Variants in RAB28 observed in about 807,000 individuals in gnomAD.
The protein encoded by RAB28 is RAB28, member RAS oncogene family.
RAB28 carries 24 observed loss-of-function variants against 31.7 expected under a neutral mutation model. The observed-to-expected ratio is 0.76, with a 90% CI of 0.55 to 1.06. RAB28 has a LOEUF of 1.06. Among genes scored for constraint, RAB28 ranks in the 50% least tolerant of loss-of-function variants. RAB28 has a pLI of 0.00. For missense variants in RAB28, 254 were observed against 258.5 expected, an observed-to-expected ratio of 0.98 and a Z score of 0.12; for synonymous variants, 100 against 90.4, an observed-to-expected ratio of 1.11 and a Z score of -0.60.
intron 2 of RAB28, 35 bp downstream of exon 2, chr4:13,479,395 A>T: frequency 6.9e-7 from 1 of 1,457,650 alleles, no homozygotes; most frequent in African/African-American, 1.4e-5. Context: ...AGATTTTTTT[A>T]TAATCTTCTA....
intron 4 of RAB28, among the ~76,000 whole-genome samples, chr4:13,423,984 T>C (rs1413072823): frequency 6.6e-6 from 1 of 151,836 alleles, no homozygotes; most frequent in African/African-American, 2.4e-5. Context: ...CCAAGACTAG[T>C]AAAAAGCTGA....
chr4:13,371,676 A>G (rs992501124), intron 6 of RAB28: 7 of 1,491,606 alleles, frequency 4.7e-6, no homozygotes, highest in Non-Finnish European at 5.3e-6. Flanking sequence ...ACTTTCTATG[A>G]TTAGAAAAAC....
In RAB28 at chr4:13,372,470, A is replaced by G. The variant is rs576216704; in HGVS notation, c.574-3820T>C. Among the ~76,000 whole-genome samples, 3 of 152,248 alleles carry G rather than the reference A, an allele frequency of 2.0e-5. No individual in the cohort carries two copies. The South Asian group carries it at 6.2e-4, about 32-fold the overall frequency. On this transcript the variant is annotated intron_variant, in intron 6 of 6. Coordinates refer to ENST00000330852, the MANE Select transcript of RAB28 (RefSeq NM_001017979.3). ...ATCTATAAAAACAAGGTCTACCTAC[A>G]TGATCTCTAAAGTCCCATCTGGTTT...
intron 4 of RAB28, among the ~76,000 whole-genome samples, chr4:13,422,641 A>C (rs28634946): frequency 2.0e-5 from 3 of 152,238 alleles, no homozygotes; most frequent in Non-Finnish European, 4.4e-5. Flanking sequence ...TCAGCAAACT[A>C]TCTTAAGGAC....
intron 4 of RAB28, among the ~76,000 whole-genome samples, chr4:13,414,930 A>C (rs1197261483): frequency 6.6e-6 from 1 of 152,198 alleles, no homozygotes; most frequent in Non-Finnish European, 1.5e-5. Context: ...AAAGAATACC[A>C]ATTAGAAGCC....
chr4:13,397,761 C>T (rs897033899), intron 4 of RAB28, among the ~76,000 whole-genome samples: 17 of 152,124 alleles, frequency 1.1e-4, no homozygotes, highest in African/African-American at 3.9e-4. Flanking sequence ...TTATTATCAC[C>T]TGACTCTGCC....
chr4:13,469,444 A>G (rs1319425668), intron 3 of RAB28, among the ~76,000 whole-genome samples: 1 of 152,014 alleles, frequency 6.6e-6, no homozygotes, highest in East Asian at 1.9e-4. Flanking sequence ...TTTGGAAATC[A>G]GATTTCAAGT....
chr4:13,398,506 C>A (rs1311823776), intron 4 of RAB28, among the ~76,000 whole-genome samples: 1 of 152,270 alleles, frequency 6.6e-6, no homozygotes, highest in Non-Finnish European at 1.5e-5. Context: ...CGGCCGGGCG[C>A]GGTGGCTCAC....
chr4:13,408,699 T>C (rs1432985484), intron 4 of RAB28, among the ~76,000 whole-genome samples: 2 of 152,168 alleles, frequency 1.3e-5, no homozygotes, highest in African/African-American at 4.8e-5. Context: ...ATTGGCTGTA[T>C]GAGATGCAAG....
chr4:13,437,767 A>G (rs1279216228), intron 4 of RAB28, among the ~76,000 whole-genome samples: 1 of 152,216 alleles, frequency 6.6e-6, no homozygotes, highest in East Asian at 1.9e-4. Flanking sequence ...AATTAGTTCA[A>G]CCTCTACAGA....
At chr4:13,396,790 G>C (rs1463230963) in intron 4 of RAB28, among the ~76,000 whole-genome samples, 2 of 152,012 alleles carry the variant, frequency 1.3e-5, no homozygotes, top group African/African-American at 4.8e-5. Context: ...ATCTGTGTAA[G>C]CACTTTGTAT....
chr4:13,377,358 C>T (rs555194153), intron 5 of RAB28, among the ~76,000 whole-genome samples: 1 of 152,266 alleles, frequency 6.6e-6, no homozygotes, highest in East Asian at 1.9e-4. Flanking sequence ...CTATTCATCA[C>T]ATGCTTATAG....
intron 4 of RAB28, among the ~76,000 whole-genome samples, chr4:13,412,710 C>T (rs1712514449): frequency 6.6e-6 from 1 of 151,948 alleles, no homozygotes; most frequent in South Asian, 2.1e-4. Context: ...AAACTAAAGA[C>T]AAAGAGACTT....
At chr4:13,457,700 C>A (rs1176675637) in intron 4 of RAB28, among the ~76,000 whole-genome samples, 3 of 151,926 alleles carry the variant, frequency 2.0e-5, no homozygotes, top group African/African-American at 4.8e-5. Flanking sequence ...ATAACTTGTA[C>A]AAATATTTGT....
chr4:13,375,306 A>G (rs2108876977), intron 6 of RAB28, among the ~76,000 whole-genome samples: 1 of 152,294 alleles, frequency 6.6e-6, no homozygotes. Context: ...TAACCTATTA[A>G]TTTTCTTTAC....
intron 5 of RAB28, among the ~76,000 whole-genome samples, chr4:13,380,201 G>T (rs140146009): frequency 5.9e-5 from 9 of 152,038 alleles, no homozygotes; most frequent in African/African-American, 2.2e-4. Flanking sequence ...GATTCCAGGA[G>T]GCCAAATTTT....
intron 4 of RAB28, among the ~76,000 whole-genome samples, chr4:13,384,583 G>A (rs1729283620): frequency 6.6e-6 from 1 of 152,206 alleles, no homozygotes; most frequent in African/African-American, 2.4e-5. Flanking sequence ...TTTAGAGCAT[G>A]CAGTCCAGGA....
chr4:13,401,154 G>A (rs1252772469), intron 4 of RAB28, among the ~76,000 whole-genome samples: 7 of 152,238 alleles, frequency 4.6e-5, no homozygotes, highest in Middle Eastern at 3.4e-3. Context: ...TTCCATACAT[G>A]TTTGGTAGAA....
At chr4:13,371,153 C>T (rs970096255) in intron 6 of RAB28, 19 of 985,196 alleles carry the variant, frequency 1.9e-5, no homozygotes, top group East Asian at 1.1e-4. Flanking sequence ...CTGAGGCATA[C>T]GAACATATTA....
Sources: gnomAD v4.1 joint callset for allele counts (sites outside exome capture counted in the v4.1 genomes callset) on GRCh38, gnomAD v4.1.1 for gene constraint, MANE v1.5 for transcripts, NCBI Gene and HGNC (gene_info 2026-07-23, HGNC 2026-07-21) for gene names.